CRYBG3: variants seen among roughly 807,000 people sequenced by gnomAD.
CRYBG3 encodes very large A-kinase anchor protein.
A neutral mutation model predicts 244.2 loss-of-function variants in CRYBG3; 127 were observed. The ratio of observed to expected loss-of-function variants is 0.52; its 90% CI spans 0.45 to 0.60. CRYBG3 has a LOEUF of 0.60. Among genes scored for constraint, CRYBG3 ranks in the 20% least tolerant of loss-of-function variants. CRYBG3 has a pLI of 0.00. For synonymous variants in CRYBG3, 1,132 were observed against 1,195.8 expected, an observed-to-expected ratio of 0.95 and a Z score of 1.10; for missense variants, 3,325 against 3,442.5, an observed-to-expected ratio of 0.97 and a Z score of 0.85.
intron 11 of CRYBG3, among the ~76,000 whole-genome samples, chr3:97,895,124 GTCA>G (rs2108235813): frequency 6.6e-6 from 1 of 152,312 alleles, no homozygotes; most frequent in East Asian, 1.9e-4. Context: ...CTCAGAAATA[GTCA>G]TCCTTGGAAT....
chr3:97,856,628 C>T (rs536902111), intron 2 of CRYBG3, among the ~76,000 whole-genome samples: 80 of 152,264 alleles, frequency 5.3e-4, no homozygotes, highest in Non-Finnish European at 9.6e-4. Flanking sequence ...CCGGTCCCTC[C>T]GTTTGGGGTC....
At chr3:97,917,959 T>C (rs1159766134) in intron 17 of CRYBG3, among the ~76,000 whole-genome samples, 2 of 152,168 alleles carry the variant, frequency 1.3e-5, no homozygotes, top group Non-Finnish European at 2.9e-5. Flanking sequence ...TTTCTGTGAT[T>C]CTCCCCACTA....
chr3:97,859,893 G>C (rs1463122040), intron 2 of CRYBG3, among the ~76,000 whole-genome samples: 1 of 152,016 alleles, frequency 6.6e-6, no homozygotes, highest in African/African-American at 2.4e-5. Flanking sequence ...AAATTATATT[G>C]TTCTCTTCAT....
At chr3:97,913,216 G>C (rs1000911947) in intron 16 of CRYBG3, among the ~76,000 whole-genome samples, 2 of 152,110 alleles carry the variant, frequency 1.3e-5, no homozygotes, top group Non-Finnish European at 2.9e-5. Context: ...CCGTTTTCTA[G>C]TACCAGTCCG....
At chr3:97,845,059 C>G (rs1313077952) in intron 2 of CRYBG3, among the ~76,000 whole-genome samples, 1 of 152,136 alleles carries the variant, frequency 6.6e-6, no homozygotes, top group Non-Finnish European at 1.5e-5. Flanking sequence ...ATTTCTTCAA[C>G]CTAGCCGCAC....
At chr3:97,937,117 G>T (rs1464261436) in intron 19 of CRYBG3, among the ~76,000 whole-genome samples, 1 of 152,018 alleles carries the variant, frequency 6.6e-6, no homozygotes, top group Non-Finnish European at 1.5e-5. Context: ...TCAGTCCAAA[G>T]CCTCATTGGC....
At chr3:97,838,897 T>G (rs2108164980) in intron 1 of CRYBG3, among the ~76,000 whole-genome samples, 1 of 152,238 alleles carries the variant, frequency 6.6e-6, no homozygotes, top group East Asian at 1.9e-4. Context: ...ACACAAAGGC[T>G]AAATGGCTGT....
chr3:97,917,452 T>C (rs1038596693), intron 17 of CRYBG3, among the ~76,000 whole-genome samples: 8 of 152,178 alleles, frequency 5.3e-5, no homozygotes, highest in African/African-American at 1.9e-4. Flanking sequence ...ATGCCATTCA[T>C]AATATACTGA....
In CRYBG3 at chr3:97,873,675, G is replaced by A. The variant is rs2039333199; in HGVS notation, c.2481G>A (p.Glu827=). 6.5e-7 allele frequency: 1 copy of A among 1,535,710 alleles called. No individual in the cohort carries two copies. ...ATGGTCAGAACAATGTTCTTGTGGA[G>A]TCACATTCTGGAAGAGGAAAAACTA... ...EIDGQNNVLV[E]SHSGRGKTIS... Residue 827 remains glutamate, a synonymous_variant, in exon 4 of 22, where the codon GAG becomes GAA. Coordinates refer to ENST00000389622, the MANE Select transcript of CRYBG3 (RefSeq NM_153605.4).
intron 18 of CRYBG3, among the ~76,000 whole-genome samples, chr3:97,934,864 C>T (rs1347944993): frequency 6.6e-6 from 1 of 152,094 alleles, no homozygotes; most frequent in African/African-American, 2.4e-5. Context: ...TAATTCATTT[C>T]TTCCCATTTC....
chr3:97,855,610 C>T (rs1012760062), intron 2 of CRYBG3, among the ~76,000 whole-genome samples: 4 of 152,058 alleles, frequency 2.6e-5, no homozygotes, highest in African/African-American at 7.2e-5. Flanking sequence ...CCGATAGTCA[C>T]GTAGATTCTT....
chr3:97,912,310 T>C (rs2039881575), intron 16 of CRYBG3, 34 bp downstream of exon 16: 2 of 1,073,808 alleles, frequency 1.9e-6, no homozygotes, highest in African/African-American at 1.6e-5. Context: ...TCTGCTGTTA[T>C]TTAATAACTA....
At chr3:97,849,673 A>G (rs2038956241) in intron 2 of CRYBG3, among the ~76,000 whole-genome samples, 1 of 152,192 alleles carries the variant, frequency 6.6e-6, no homozygotes, top group African/African-American at 2.4e-5. Flanking sequence ...TTGCGGTATG[A>G]TGGAATATCT....
At position 97,876,641 on chromosome 3, in the gene CRYBG3, C is replaced by G; in HGVS notation, c.5447C>G (p.Pro1816Arg). Residue 1816 changes from proline to arginine, a missense_variant, in exon 4 of 22, where the codon CCT becomes CGT. Pro to Arg is a moderately radical substitution (Grantham distance 103, BLOSUM62 -2). Transcript: ENST00000389622. ...GTGAAGGAAGCACACGAGACAGCAC[C>G]TGCCCCCTTAGAAATGGAAAAAGCA... ...LKVKEAHETA[P>R]APLEMEKACK... 8.1e-7 allele frequency: 1 copy of G among 1,235,652 alleles called. No individual in the cohort carries two copies. Among genetic ancestry groups the G allele is most frequent in the African/African-American group, 1.5e-5 (1 of 64,520 alleles). The allele number at this position is 1,235,652 out of a possible 1,614,324, so 76.5% of individuals were successfully genotyped here. A position where few individuals can be genotyped will look rare whatever the true frequency, so the allele number is the denominator to read the frequency against.
rs1359457757 is a variant in CRYBG3, at chr3:97,876,905, T to A, written c.5711T>A (p.Val1904Asp). ...KTPQEYAEGS[V>D]EETKEEPTEI... is the part of the protein sequence containing the mutation. ...CCACAAGAGTATGCTGAAGGGAGTG[T>A]TGAAGAAACAAAGGAAGAGCCTACA... Residue 1904 changes from valine to aspartate, a missense_variant, in exon 4 of 22, where the codon GTT (valine) becomes GAT (aspartate). Around this residue, in one of 4 missense-constraint regions of CRYBG3, gnomAD observed 635 missense variants for 771.7 expected, o/e 0.82. Coordinates refer to ENST00000389622, the MANE Select transcript of CRYBG3 (RefSeq NM_153605.4). 4 of 1,444,764 alleles carry A rather than the reference T, an allele frequency of 2.8e-6. No homozygotes were observed. The East Asian group carries it at 7.4e-5, about 27-fold the overall frequency. The allele number at this position is 1,444,764 out of a possible 1,614,324, so 89.5% of individuals were successfully genotyped here. A position where few individuals can be genotyped will look rare whatever the true frequency, so the allele number is the denominator to read the frequency against.
chr3:97,835,099 C>T (rs1158242301), intron 1 of CRYBG3, among the ~76,000 whole-genome samples: 2 of 151,982 alleles, frequency 1.3e-5, no homozygotes, highest in African/African-American at 4.8e-5. Context: ...CAATAGTGCT[C>T]TAACATTTCT....
chr3:97,836,395 A>C (rs2038733494), intron 1 of CRYBG3, among the ~76,000 whole-genome samples: 1 of 152,120 alleles, frequency 6.6e-6, no homozygotes, highest in African/African-American at 2.4e-5. Flanking sequence ...CCATTAAAAA[A>C]AATACAAGTA....
intron 7 of CRYBG3, among the ~76,000 whole-genome samples, chr3:97,885,434 A>T (rs577566258): frequency 1.3e-5 from 2 of 152,158 alleles, no homozygotes; most frequent in South Asian, 4.1e-4. Context: ...GTCATAGGGG[A>T]TAATTACTAA....
chr3:97,836,311 G>GCAGC (rs1335841446), intron 1 of CRYBG3, among the ~76,000 whole-genome samples: 1 of 151,948 alleles, frequency 6.6e-6, no homozygotes, highest in African/African-American at 2.4e-5. Context: ...CCTTAAAATT[G>GCAGC]CAGCTTTTAG....
Sources: allele counts gnomAD v4.1 joint callset (sites outside exome capture counted in the v4.1 genomes callset), GRCh38; gene constraint gnomAD v4.1.1; regional missense constraint gnomAD v4.1.1; transcripts MANE v1.5; gene names NCBI Gene and HGNC (gene_info 2026-07-23, HGNC 2026-07-21).